Variants in NPEPL1 observed in about 807,000 individuals in gnomAD.
NPEPL1 encodes the protein aminopeptidase like 1, also known as probable aminopeptidase NPEPL1.
A neutral mutation model predicts 52.4 loss-of-function variants in NPEPL1; 45 were observed. The ratio of observed to expected loss-of-function variants is 0.86; its 90% CI spans 0.68 to 1.10. The LOEUF (loss-of-function observed/expected upper bound fraction) is 1.10. Among genes scored for constraint, NPEPL1 ranks in the 50% least tolerant of loss-of-function variants. The pLI, the probability that NPEPL1 is intolerant of heterozygous loss-of-function variation, is 0.00. For synonymous variants in NPEPL1, 360 were observed against 314.7 expected (o/e 1.14, Z -1.52); for missense variants, 696 against 710.9 (o/e 0.98, Z 0.24).
intron 1 of NPEPL1, 88 bp from the exon 2 acceptor site, chr20:58,693,649 T>G: frequency 8.4e-7 from 1 of 1,188,980 alleles, no homozygotes; most frequent in Non-Finnish European, 1.2e-6. Flanking sequence ...ACTGCAGGAG[T>G]GGTTGTGGCC....
chr20:58,694,359 A>C, intron 2 of NPEPL1, 63 bp from the exon 3 acceptor site: 2 of 1,500,702 alleles, frequency 1.3e-6, no homozygotes, highest in Non-Finnish European at 1.8e-6. Context: ...TTCAAAGAGC[A>C]GCTCCCTGCA....
At chr20:58,705,664 T>C in intron 6 of NPEPL1, 1 of 424,336 alleles carries the variant, frequency 2.4e-6, no homozygotes, top group Non-Finnish European at 4.8e-6. Flanking sequence ...TGGGGGCTGG[T>C]GAAACTTTGC....
intron 6 of NPEPL1, among the ~76,000 whole-genome samples, chr20:58,706,273 C>A (rs757444613): frequency 1.9e-4 from 29 of 152,030 alleles, no homozygotes; most frequent in Non-Finnish European, 1.3e-4. Flanking sequence ...CTTCTTCTGG[C>A]GATAGACCTG....
upstream of NPEPL1, among the ~76,000 whole-genome samples, chr20:58,689,688 C>T (rs2084314941): frequency 6.6e-6 from 1 of 152,206 alleles, no homozygotes; most frequent in African/African-American, 2.4e-5. Flanking sequence ...AGGCCCAACT[C>T]AAAAGTCTCA....
In NPEPL1 at chr20:58,694,629, C is replaced by T. The variant is rs200670545; in HGVS notation, c.507+37C>T. ...GAAGGGCAGACACTGCCCCTGGGCC[C>T]GGGCAAGATCGGGCAGGTGGGAGGG... On this transcript the variant is annotated intron_variant, in intron 3 of 11. Coordinates refer to ENST00000356091, the MANE Select transcript of NPEPL1 (RefSeq NM_024663.4). The T allele has an allele frequency of 1.1e-3, 1,650 of 1,556,434 alleles. 6 individuals are homozygous for T. Among genetic ancestry groups the T allele is most frequent in the African/African-American group, 8.1e-3 (596 of 73,178 alleles).
At chr20:58,693,687 C>G in intron 1 of NPEPL1, 50 bp from the exon 2 acceptor site, 1 of 1,525,456 alleles carries the variant, frequency 6.6e-7, no homozygotes, top group Non-Finnish European at 8.9e-7. Flanking sequence ...CCTCCTGGCA[C>G]GTGGCCGCTG....
intron 11 of NPEPL1, chr20:58,714,941 GCAGAGCACACAGGGCCTTGCCC>G (rs1479787846): frequency 4.8e-6 from 3 of 619,890 alleles, no homozygotes; most frequent in Non-Finnish European, 8.4e-6. Flanking sequence ...CGGGGTGAAG[GCAGAGCACACAGGGCCTTGCCC>G]CCTGCCTACG....
In NPEPL1 at chr20:58,694,574, G is replaced by A; in HGVS notation, c.489G>A (p.Val163=). 1.2e-6 allele frequency: 2 copies of A among 1,613,354 alleles called. No individual in the cohort carries two copies. The highest frequency in any genetic ancestry group is 1.7e-6 in the Non-Finnish European group (2 of 1,179,582). Residue 163 remains valine, a synonymous_variant, in exon 3 of 12, where the codon GTG becomes GTA. Coordinates refer to ENST00000356091, the MANE Select transcript of NPEPL1 (RefSeq NM_024663.4). ...TGGTGGGACAAGACAACGGGCCGGT[G>A]GAGGTGTCCACATTGCAGGTGGGTG... ...FFLVGQDNGP[V]EVSTLQCLAN... is the part of the protein sequence containing the mutation.
At position 58,715,218 on chromosome 20, in the gene NPEPL1, C is replaced by T. The variant is rs758027436; in HGVS notation, c.1464C>T (p.Gly488=). 14 of 1,608,488 alleles carry T rather than the reference C, an allele frequency of 8.7e-6. No individual in the cohort carries two copies. The highest frequency in any genetic ancestry group is 1.7e-6 in the Non-Finnish European group (2 of 1,178,696). ...FGVALLLALF[G]RASEDPLLNL... ...TGGCCCTCCTGCTGGCGCTCTTCGG[C>T]CGTGCCTCTGAGGACCCTCTGCTGA... The change falls in exon 12 of 12, where the codon GGC becomes GGT. Residue 488 remains glycine (G), a synonymous_variant. Coordinates refer to ENST00000356091, the MANE Select transcript of NPEPL1 (RefSeq NM_024663.4).
intron 11 of NPEPL1, 162 bp downstream of exon 11, chr20:58,714,832 G>A: frequency 1.6e-6 from 1 of 639,728 alleles, no homozygotes; most frequent in Non-Finnish European, 2.7e-6. Context: ...ATCCTCCCTG[G>A]GAACAGAGTG....
chr20:58,693,395 C>T, intron 1 of NPEPL1: 1 of 221,794 alleles, frequency 4.5e-6, no homozygotes, highest in Non-Finnish European at 8.8e-6. Flanking sequence ...GTTCCCATGG[C>T]AGTGTCCCCA....
upstream of NPEPL1, chr20:58,691,709 T>TTTTTTTTTTTTTG: frequency 2.8e-6 from 2 of 710,820 alleles, no homozygotes; most frequent in Non-Finnish European, 4.4e-6. Context: ...TTTTTTTTTT[T>TTTTTTTTTTTTTG]TTTTTCATTT....
At chr20:58,698,186 G>A (rs2084530058) in intron 3 of NPEPL1, among the ~76,000 whole-genome samples, 1 of 152,120 alleles carries the variant, frequency 6.6e-6, no homozygotes. Flanking sequence ...CTTCTGCTTG[G>A]TGGGGAGGAT....
chr20:58,715,597 C>T lies in NPEPL1; in HGVS notation c.*271C>T. 1 of 301,854 alleles carries T rather than the reference C, an allele frequency of 3.3e-6. No homozygotes were observed. The highest frequency in any genetic ancestry group is 6.1e-6 in the Non-Finnish European group (1 of 163,416). 18.7% of individuals were successfully genotyped at this position (301,854 alleles called of 1,614,324 possible). The stretch of plus-strand genomic sequence containing the variant: ...ACTGCTACCCCTGGGGCCTTCTGCA[C>T]CCCGGGGTGAGGCCTCCTGCCTGCC... On this transcript the variant is annotated 3_prime_UTR_variant, in exon 12 of 12. Transcript: ENST00000356091.
chr20:58,713,294 A>C lies in NPEPL1; in HGVS notation c.1002-126A>C. 2.4e-6 allele frequency: 3 copies of C among 1,241,708 alleles called. No individual in the cohort carries two copies. The highest frequency in any genetic ancestry group is 3.3e-6 in the Non-Finnish European group (3 of 909,792). 76.9% of individuals were successfully genotyped at this position (1,241,708 alleles called of 1,614,324 possible). A position where few individuals can be genotyped will look rare whatever the true frequency, so the allele number is the denominator to read the frequency against. ...GCATCCCGGCCTTCCCATTCAGGGA[A>C]CGTGTTGGGGTTCGGGGAGCCACAG... is the stretch of plus-strand genomic sequence containing the variant. On this transcript the variant is annotated intron_variant, in intron 8 of 11. Coordinates refer to ENST00000356091, the MANE Select transcript of NPEPL1 (RefSeq NM_024663.4). This position sits in a 1 kb window ranked among gnomAD's most constrained non-coding sequence, Gnocchi z 4.6.
chr20:58,710,774 A>G (rs1601131707), intron 7 of NPEPL1: 1 of 152,260 alleles, frequency 6.6e-6, no homozygotes, highest in South Asian at 2.1e-4. Flanking sequence ...TGATTGGAGA[A>G]CACCTCCAGA....
chr20:58,703,603 C>A (rs1490518197), intron 6 of NPEPL1: 4 of 985,172 alleles, frequency 4.1e-6, no homozygotes, highest in Non-Finnish European at 4.8e-6. Context: ...AGAAGATGAG[C>A]TTCCTGGGAA....
At chr20:58,705,344 C>T (rs142021723) in intron 6 of NPEPL1, among the ~76,000 whole-genome samples, 6 of 152,244 alleles carry the variant, frequency 3.9e-5, no homozygotes, top group African/African-American at 7.2e-5. Flanking sequence ...CTGCTCTGAC[C>T]GACCACTGCC....
rs201942484 is a variant in NPEPL1 at position 58,702,536 on chromosome 20, G to GT, written c.822+1387dup. 7.7e-3 allele frequency among the ~76,000 whole-genome samples: 1,167 copies of GT among 151,296 alleles called. 9 individuals carry two copies. Among genetic ancestry groups the GT allele is most frequent in the Admixed American group, 0.012 (181 of 15,190 alleles). On this transcript the variant is annotated intron_variant, in intron 6 of 11. Coordinates refer to ENST00000356091, the MANE Select transcript of NPEPL1 (RefSeq NM_024663.4). ...ACACTAATCATAAAAAGGGTTTTTT[G>GT]TTTTTTTTTAATAGAAAAAACATGC...
Sources: gnomAD v4.1 joint callset for allele counts (sites outside exome capture counted in the v4.1 genomes callset) on GRCh38, gnomAD v4.1.1 for gene constraint, Gnocchi (gnomAD v3.1) non-coding constraint, MANE v1.5 for transcripts, NCBI Gene and HGNC (gene_info 2026-07-23, HGNC 2026-07-21) for gene names.